The following DDX10 variants were observed in gnomAD, a reference collection of about 807,000 sequenced individuals.
DDX10 encodes DEAD-box helicase 10, also known as probable ATP-dependent RNA helicase DDX10.
In DDX10, 74 loss-of-function variants were observed where a neutral mutation model predicts 104.3. The observed-to-expected ratio is 0.71, with a 90% CI of 0.59 to 0.86. DDX10 has a LOEUF of 0.86. DDX10 is among the 40% of genes least tolerant of loss of function. The pLI, the probability that DDX10 is intolerant of heterozygous loss-of-function variation, is 0.00. For missense variants in DDX10, 952 were observed against 1,040.0 expected (o/e 0.92, Z 1.16); for synonymous variants, 351 against 353.4 (o/e 0.99, Z 0.08).
intron 16 of DDX10, among the ~76,000 whole-genome samples, chr11:108,861,273 A>G (rs1862937862): frequency 6.6e-6 from 1 of 152,030 alleles, no homozygotes; most frequent in African/African-American, 2.4e-5. Flanking sequence ...GTGCCTGCCT[A>G]CCAGACACCT....
intron 1 of DDX10, among the ~76,000 whole-genome samples, chr11:108,672,805 G>A (rs191515692): frequency 1.3e-4 from 20 of 152,330 alleles, no homozygotes; most frequent in African/African-American, 4.8e-4. Flanking sequence ...AATTGGGTTT[G>A]TGCTAATAAA....
At chr11:108,916,226 G>C (rs1196059701) in intron 16 of DDX10, among the ~76,000 whole-genome samples, 1 of 152,068 alleles carries the variant, frequency 6.6e-6, no homozygotes, top group East Asian at 1.9e-4. Flanking sequence ...AAGGGCATCA[G>C]ACGGGAAAAT....
intron 13 of DDX10, among the ~76,000 whole-genome samples, chr11:108,764,593 C>G (rs2094354293): frequency 6.6e-6 from 1 of 152,152 alleles, no homozygotes; most frequent in Non-Finnish European, 1.5e-5. Context: ...TGCTTGAACC[C>G]AGGAGGCAGA....
intron 13 of DDX10, among the ~76,000 whole-genome samples, chr11:108,781,824 TAATG>T (rs1451327765): frequency 6.6e-6 from 1 of 152,134 alleles, no homozygotes; most frequent in African/African-American, 2.4e-5. Flanking sequence ...ATTAGCGAGA[TAATG>T]AATAGGACAA....
At chr11:108,885,731 C>T (rs910213576) in intron 16 of DDX10, among the ~76,000 whole-genome samples, 1 of 152,116 alleles carries the variant, frequency 6.6e-6, no homozygotes, top group Non-Finnish European at 1.5e-5. Flanking sequence ...CCCATTTTCC[C>T]ATACTCTGCT....
intron 9 of DDX10, among the ~76,000 whole-genome samples, chr11:108,697,632 C>T (rs2094261757): frequency 6.6e-6 from 1 of 152,122 alleles, no homozygotes; most frequent in African/African-American, 2.4e-5. Context: ...AACCAGCACA[C>T]CCCTTTTAAC....
intron 13 of DDX10, among the ~76,000 whole-genome samples, chr11:108,748,046 A>C (rs554392781): frequency 1.3e-5 from 2 of 152,324 alleles, no homozygotes; most frequent in East Asian, 3.9e-4. Context: ...TGGACACAGT[A>C]TAAAATCTAA....
At chr11:108,671,447 A>G (rs2094216899) in intron 1 of DDX10, among the ~76,000 whole-genome samples, 1 of 152,204 alleles carries the variant, frequency 6.6e-6, no homozygotes, top group Non-Finnish European at 1.5e-5. Context: ...TACAGGCGTG[A>G]GCCATCGTGC....
At chr11:108,901,941 A>T (rs1863521817) in intron 16 of DDX10, among the ~76,000 whole-genome samples, 1 of 152,230 alleles carries the variant, frequency 6.6e-6, no homozygotes, top group African/African-American at 2.4e-5. Flanking sequence ...TGAAATAATG[A>T]TCTTAAGCAG....
At chr11:108,681,265 A>C (rs1190280710) in intron 6 of DDX10, among the ~76,000 whole-genome samples, 3 of 152,218 alleles carry the variant, frequency 2.0e-5, no homozygotes, top group African/African-American at 7.2e-5. Context: ...AAAAAACTAC[A>C]AAGACTTTGA....
At chr11:108,831,058 G>A (rs535924821) in intron 13 of DDX10, among the ~76,000 whole-genome samples, 2 of 152,218 alleles carry the variant, frequency 1.3e-5, no homozygotes, top group Admixed American at 6.5e-5. Flanking sequence ...ATAGAAATGT[G>A]TATAGTTAAA....
chr11:108,685,302 C>T (rs1331413480), intron 6 of DDX10, among the ~76,000 whole-genome samples: 6 of 151,000 alleles, frequency 4.0e-5, no homozygotes, highest in South Asian at 2.1e-4. Flanking sequence ...TTTCCAGGTG[C>T]GTCCGTCACC....
chr11:108,733,719 C>T (rs947632347), intron 13 of DDX10, among the ~76,000 whole-genome samples: 1 of 152,210 alleles, frequency 6.6e-6, no homozygotes, highest in Non-Finnish European at 1.5e-5. Flanking sequence ...CTTACACTGC[C>T]ATTCTGCCCC....
chr11:108,703,003 T>C (rs1380943913), intron 9 of DDX10, among the ~76,000 whole-genome samples: 2 of 152,240 alleles, frequency 1.3e-5, no homozygotes, highest in African/African-American at 4.8e-5. Context: ...GTATTGATAT[T>C]GATGGCAAAA....
chr11:108,781,789 G>T (rs1437969042), intron 13 of DDX10, among the ~76,000 whole-genome samples: 1 of 147,090 alleles, frequency 6.8e-6, no homozygotes, highest in African/African-American at 2.5e-5. Flanking sequence ...TCTTGGTTTT[G>T]TTTTTTTTTT....
intron 13 of DDX10, among the ~76,000 whole-genome samples, chr11:108,829,893 G>C (rs764463751): frequency 6.6e-6 from 1 of 151,950 alleles, no homozygotes; most frequent in Non-Finnish European, 1.5e-5. Context: ...TTTATTTCTG[G>C]GTTCTCTATT....
rs746499614 is a variant in DDX10, at chr11:108,917,890, A to G, written c.2322A>G (p.Glu774=). Residue 774 remains glutamate (E), a synonymous_variant, in exon 17 of 18, where the codon GAA becomes GAG. Transcript: ENST00000322536. The part of the protein sequence containing the change: ...KRQAKAKDEE[E]AFLDWSDDDD... Reference sequence around the variant, plus strand: ...TTTTTTAGGCCAAAGATGAAGAGGAAGCCTTTCTGGATTGGAGTGATGATG... The same window carrying G: ...TTTTTTAGGCCAAAGATGAAGAGGAGGCCTTTCTGGATTGGAGTGATGATG... The G allele has an allele frequency of 3.1e-6, 5 of 1,611,604 alleles. No homozygotes were observed. In the African/African-American group the frequency reaches 6.7e-5, roughly 22 times the overall value.
At chr11:108,870,985 A>G (rs554224537) in intron 16 of DDX10, among the ~76,000 whole-genome samples, 4 of 152,352 alleles carry the variant, frequency 2.6e-5, no homozygotes, top group African/African-American at 9.6e-5. Context: ...GAAAGGCATA[A>G]TAACTCTAGG....
intron 13 of DDX10, among the ~76,000 whole-genome samples, chr11:108,747,547 C>G (rs1257415659): frequency 6.6e-6 from 1 of 152,154 alleles, no homozygotes; most frequent in Non-Finnish European, 1.5e-5. Flanking sequence ...TTTCAGACTA[C>G]TGATTGTGGG....
Sources: allele counts gnomAD v4.1 joint callset (sites outside exome capture counted in the v4.1 genomes callset), GRCh38; gene constraint gnomAD v4.1.1; transcripts MANE v1.5; gene names NCBI Gene and HGNC (gene_info 2026-07-23, HGNC 2026-07-21).